PCDH7: variants seen among roughly 807,000 people sequenced by gnomAD.
The protein encoded by PCDH7 is protocadherin-7.
In PCDH7, 17 loss-of-function variants were observed where a neutral mutation model predicts 58.9. That is an observed-to-expected ratio of 0.29 (90% CI 0.20 to 0.43). The LOEUF is 0.43. Ranked by LOEUF, PCDH7 falls within the 20% of genes least tolerant of loss-of-function variation. PCDH7 has a pLI of 1.00. For missense variants in PCDH7, 1,274 were observed against 1,441.0 expected (o/e 0.88, Z 1.88); for synonymous variants, 664 against 616.4 (o/e 1.08, Z -1.14).
intron 3 of PCDH7, among the ~76,000 whole-genome samples, chr4:31,012,693 A>T (rs1270870711): frequency 6.6e-6 from 1 of 150,596 alleles, no homozygotes; most frequent in African/African-American, 2.4e-5. Flanking sequence ...GAAAACAGAG[A>T]TTTCTTTCCA....
chr4:31,095,515 T>C lies in PCDH7; in HGVS notation c.*8-46958T>C, dbSNP rs187142305. Among the ~76,000 whole-genome samples the C allele has an allele frequency of 6.9e-4, 105 of 152,310 alleles. 1 individual carries two copies. Among genetic ancestry groups the C allele is most frequent in the African/African-American group, 2.3e-3 (95 of 41,564 alleles). ...CAAAATAACTTCTGTTAGGGTTGTT[T>C]GTCTGGGTCTCTTTTTTGTGACAGA... is the stretch of plus-strand genomic sequence containing the variant. On this transcript the variant is annotated intron_variant, in intron 3 of 3. Transcript: ENST00000509759.
intron 2 of PCDH7, chr4:30,925,775 T>G (rs1743792470): frequency 6.6e-6 from 1 of 152,186 alleles, no homozygotes; most frequent in Admixed American, 6.5e-5. Flanking sequence ...TTATAGAGAC[T>G]GTCTCTAAGC....
At chr4:30,917,590 C>T (rs1343092435) in intron 1 of PCDH7, among the ~76,000 whole-genome samples, 1 of 151,632 alleles carries the variant, frequency 6.6e-6, no homozygotes, top group East Asian at 1.9e-4. Context: ...ATTGATGGAT[C>T]TAAGTATTTT....
intron 3 of PCDH7, among the ~76,000 whole-genome samples, chr4:31,096,756 G>A (rs543001869): frequency 2.0e-5 from 3 of 152,208 alleles, no homozygotes; most frequent in Admixed American, 6.5e-5. Context: ...AATCCAGATG[G>A]GCAGATTCTG....
chr4:30,838,082 G>A (rs1289487077), intron 1 of PCDH7, among the ~76,000 whole-genome samples: 3 of 151,830 alleles, frequency 2.0e-5, no homozygotes, highest in Non-Finnish European at 4.4e-5. Flanking sequence ...CTTCAGTTGT[G>A]TACAGAATGC....
intron 3 of PCDH7, among the ~76,000 whole-genome samples, chr4:31,038,105 G>A (rs1755561053): frequency 6.6e-6 from 1 of 152,192 alleles, no homozygotes; most frequent in Admixed American, 6.5e-5. Flanking sequence ...CAGAGATCTT[G>A]TTGTCGAAAA....
chr4:30,798,421 G>A (rs879280477), intron 1 of PCDH7, among the ~76,000 whole-genome samples: 1 of 152,160 alleles, frequency 6.6e-6, no homozygotes, highest in Non-Finnish European at 1.5e-5. Context: ...AAGATAGGAT[G>A]TAGTAGAAAC....
At chr4:31,026,375 C>T (rs1272006598) in intron 3 of PCDH7, among the ~76,000 whole-genome samples, 1 of 152,134 alleles carries the variant, frequency 6.6e-6, no homozygotes, top group African/African-American at 2.4e-5. Context: ...ATGATCTGAT[C>T]GGCAACAGCC....
At chr4:30,729,175 G>A (rs1715103179) in intron 1 of PCDH7, among the ~76,000 whole-genome samples, 1 of 151,882 alleles carries the variant, frequency 6.6e-6, no homozygotes, top group Non-Finnish European at 1.5e-5. Context: ...TAGAGTCCAA[G>A]TTATGGAATG....
chr4:30,942,744 T>C (rs1746190662), intron 2 of PCDH7, among the ~76,000 whole-genome samples: 1 of 152,092 alleles, frequency 6.6e-6, no homozygotes, highest in Non-Finnish European at 1.5e-5. Flanking sequence ...GTGATACACG[T>C]TGAAGTATGT....
intron 1 of PCDH7, among the ~76,000 whole-genome samples, chr4:30,840,037 T>TGC: frequency 6.6e-6 from 1 of 151,502 alleles, no homozygotes; most frequent in East Asian, 1.9e-4. Flanking sequence ...TGAGTGTGTG[T>TGC]GTGTGTGTGT....
chr4:30,749,046 T>C (rs1197014715), intron 1 of PCDH7, among the ~76,000 whole-genome samples: 1 of 152,242 alleles, frequency 6.6e-6, no homozygotes, highest in Non-Finnish European at 1.5e-5. Flanking sequence ...GGGGAAGGGA[T>C]ATGTTATGAA....
chr4:30,963,925 G>A (rs980507087), intron 3 of PCDH7, among the ~76,000 whole-genome samples: 2 of 152,028 alleles, frequency 1.3e-5, no homozygotes, highest in Non-Finnish European at 2.9e-5. Flanking sequence ...GAACCATTCC[G>A]GGACAATTTC....
At chr4:30,858,962 C>T (rs147630905) in intron 1 of PCDH7, among the ~76,000 whole-genome samples, 5 of 152,276 alleles carry the variant, frequency 3.3e-5, no homozygotes, top group African/African-American at 1.2e-4. Context: ...CATTGTTTGA[C>T]GGATTGTGGC....
intron 1 of PCDH7, among the ~76,000 whole-genome samples, chr4:30,793,153 GT>G (rs1724345378): frequency 1.3e-5 from 2 of 152,208 alleles, no homozygotes; most frequent in Non-Finnish European, 2.9e-5. Context: ...TTGTGAAAAT[GT>G]TTATGAGGCT....
chr4:31,074,723 T>C (rs983561874), intron 3 of PCDH7, among the ~76,000 whole-genome samples: 7 of 132,310 alleles, frequency 5.3e-5, no homozygotes, highest in African/African-American at 2.1e-4. Flanking sequence ...AGGTGGAGGT[T>C]GCAGTGAGCC....
intron 3 of PCDH7, among the ~76,000 whole-genome samples, chr4:31,042,142 A>T (rs1412335995): frequency 6.6e-6 from 1 of 152,156 alleles, no homozygotes; most frequent in Non-Finnish European, 1.5e-5. Context: ...GCACTCATTC[A>T]TATCATTTGA....
chr4:30,792,559 G>A (rs1724256631), intron 1 of PCDH7, among the ~76,000 whole-genome samples: 1 of 152,036 alleles, frequency 6.6e-6, no homozygotes, highest in African/African-American at 2.4e-5. Flanking sequence ...TAAAATTAGG[G>A]TGATTCAAAA....
intron 1 of PCDH7, among the ~76,000 whole-genome samples, chr4:30,739,557 T>C (rs1452617072): frequency 6.6e-6 from 1 of 151,992 alleles, no homozygotes; most frequent in Admixed American, 6.6e-5. Context: ...TAGATGGTAA[T>C]GTCTGGATTT....
Sources: allele counts gnomAD v4.1 joint callset (sites outside exome capture counted in the v4.1 genomes callset), GRCh38; gene constraint gnomAD v4.1.1; transcripts MANE v1.5; gene names NCBI Gene and HGNC (gene_info 2026-07-23, HGNC 2026-07-21).